The following LMX1A variants were observed in gnomAD, a reference collection of about 807,000 sequenced individuals.
The protein encoded by LMX1A is LIM homeobox transcription factor 1-alpha.
LMX1A carries 15 observed loss-of-function variants against 49.1 expected under a neutral mutation model. That is an observed-to-expected ratio of 0.31 (90% confidence interval 0.20 to 0.47). The LOEUF is 0.47. LMX1A is among the 20% of genes least tolerant of loss of function. The probability of loss-of-function intolerance (pLI) is 1.00; values close to 1 mark genes in which losing one functional copy is unlikely to be tolerated. For missense variants in LMX1A, 372 were observed against 475.8 expected, an observed-to-expected ratio of 0.78 and a Z score of 2.03; for synonymous variants, 167 against 185.7, an observed-to-expected ratio of 0.90 and a Z score of 0.82.
At chr1:165,212,703 T>A (rs1427921049) in intron 5 of LMX1A, 2 of 152,234 alleles carry the variant, frequency 1.3e-5, no homozygotes, top group African/African-American at 4.8e-5. Context: ...AAGTACTCAA[T>A]AAATGGGCGC....
rs142079218 is a variant in LMX1A at position 165,330,321 on chromosome 1, A to G, written c.263+22755T>C. 9.2e-5 allele frequency among the ~76,000 whole-genome samples: 14 copies of G among 152,314 alleles called. No homozygotes were observed. The East Asian group carries it at 2.5e-3, about 27-fold the overall frequency. On this transcript the variant is annotated intron_variant, in intron 3 of 8. Transcript: ENST00000342310. ...AGATCCTGTCCCTACAAAAAATTTC[A>G]AAGTTAGCTGGGCATGATGGCACAT...
chr1:165,227,929 G>C (rs1251963760), intron 4 of LMX1A, among the ~76,000 whole-genome samples: 1 of 152,150 alleles, frequency 6.6e-6, no homozygotes, highest in South Asian at 2.1e-4. Context: ...ATCATTTAAA[G>C]AGATTCCTTC....
At chr1:165,293,334 C>T (rs74118548) in intron 3 of LMX1A, among the ~76,000 whole-genome samples, 2,216 of 152,202 alleles carry the variant, frequency 0.015, 57 homozygotes, top group African/African-American at 0.049. Flanking sequence ...ATAGCACTTT[C>T]ACAAATAATA....
At chr1:165,339,450 T>C (rs555613307) in intron 3 of LMX1A, among the ~76,000 whole-genome samples, 25 of 152,308 alleles carry the variant, frequency 1.6e-4, no homozygotes, top group African/African-American at 5.8e-4. Context: ...TCTGACAACA[T>C]GCAATAGAGT....
At chr1:165,237,914 G>A (rs1652508502) in intron 4 of LMX1A, among the ~76,000 whole-genome samples, 1 of 152,222 alleles carries the variant, frequency 6.6e-6, no homozygotes, top group Non-Finnish European at 1.5e-5. Context: ...AAGAAAACCA[G>A]TGTCTTCCCT....
At chr1:165,310,978 T>G (rs1189827630) in intron 3 of LMX1A, among the ~76,000 whole-genome samples, 1 of 152,222 alleles carries the variant, frequency 6.6e-6, no homozygotes, top group Non-Finnish European at 1.5e-5. Context: ...CACCATGATG[T>G]CCCCCAGATC....
chr1:165,253,018 AG>A (rs1653112443), intron 3 of LMX1A, among the ~76,000 whole-genome samples: 2 of 152,212 alleles, frequency 1.3e-5, no homozygotes, highest in Admixed American at 1.3e-4. Flanking sequence ...GTGTCTTTAT[AG>A]GGAGGGCAGG....
chr1:165,350,936 G>C (rs1406319339), intron 3 of LMX1A, among the ~76,000 whole-genome samples: 2 of 152,204 alleles, frequency 1.3e-5, no homozygotes, highest in African/African-American at 4.8e-5. Flanking sequence ...CTGGCAAGTT[G>C]ATCCCTGCAA....
chr1:165,313,276 C>T (rs1655125216), intron 3 of LMX1A, among the ~76,000 whole-genome samples: 1 of 152,088 alleles, frequency 6.6e-6, no homozygotes, highest in African/African-American at 2.4e-5. Flanking sequence ...CAAGAAGCTG[C>T]CCTGCATCCC....
At chr1:165,325,034 C>T (rs191738750) in intron 3 of LMX1A, among the ~76,000 whole-genome samples, 1 of 152,186 alleles carries the variant, frequency 6.6e-6, no homozygotes, top group Non-Finnish European at 1.5e-5. Context: ...GGAGCCCCTG[C>T]CACTCCTTAG....
intron 3 of LMX1A, among the ~76,000 whole-genome samples, chr1:165,323,547 A>C (rs1397490711): frequency 6.6e-6 from 1 of 152,210 alleles, no homozygotes. Context: ...CTACCATAAC[A>C]ATATAAAATG....
At chr1:165,292,061 C>CAAAAAAAA (rs771664986) in intron 3 of LMX1A, among the ~76,000 whole-genome samples, 8 of 82,540 alleles carry the variant, frequency 9.7e-5, no homozygotes, top group South Asian at 6.3e-4. Context: ...AACTCCGTCT[C>CAAAAAAAA]AAAAAAAAAA....
At chr1:165,266,595 C>T (rs368081848) in intron 3 of LMX1A, among the ~76,000 whole-genome samples, 7 of 79,176 alleles carry the variant, frequency 8.8e-5, no homozygotes, top group South Asian at 5.4e-4. Flanking sequence ...TTCTTTCTTT[C>T]TTTTTTTTTT....
Position 165,262,622 on chromosome 1 carries a change from T to G in LMX1A, c.264-12982A>C, listed in dbSNP as rs562203190. ...ATTTCTTGAATGTCCTACACTCCTA[T>G]CAAGGGCTAACTCTTCCACTTAGGT... is the stretch of plus-strand genomic sequence containing the variant. On this transcript the variant is annotated intron_variant, in intron 3 of 8. Coordinates refer to ENST00000342310, the MANE Select transcript of LMX1A (RefSeq NM_177398.4). Among the ~76,000 whole-genome samples the G allele has an allele frequency of 3.3e-5, 5 of 152,336 alleles. No homozygotes were observed. The South Asian group carries it at 1.0e-3, about 32-fold the overall frequency.
rs774603130 is a variant in LMX1A, at chr1:165,204,008, C to G, written c.1021G>C (p.Asp341His). 44 of 1,613,972 alleles carry G rather than the reference C, an allele frequency of 2.7e-5. No individual in the cohort carries two copies. The highest frequency in any genetic ancestry group is 2.4e-4 in the South Asian group (22 of 91,062). ...CCCAGGTTACTGAGGGAGGTGTCGT[C>G]GCTATCCAGGTCATGGAAAAGGGGC... ...AEPLFHDLDS[D>H]DTSLSNLGDC... The change falls in exon 9 of 9, where the codon GAC (aspartate) becomes CAC (histidine). Residue 341 changes from aspartate (D) to histidine (H), a missense_variant. Asp to His is a moderately conservative substitution (Grantham distance 81). Transcript: ENST00000342310.
At position 165,327,495 on chromosome 1, in the gene LMX1A, G is replaced by A. The variant is rs1331666782; in HGVS notation, c.263+25581C>T. Among the ~76,000 whole-genome samples, 3 of 152,252 alleles carry A rather than the reference G, an allele frequency of 2.0e-5. No individual in the cohort carries two copies. In the East Asian group the frequency reaches 5.8e-4, roughly 29 times the overall value. The stretch of plus-strand genomic sequence containing the variant: ...ACCACCAGAAGGCAAGGGCAGGACT[G>A]CTGCCAAATCCTGGAGCTGAGTCTT... On this transcript the variant is annotated intron_variant, in intron 3 of 8. Coordinates refer to ENST00000342310, the MANE Select transcript of LMX1A (RefSeq NM_177398.4).
chr1:165,210,011 G>A (rs1160068218), intron 6 of LMX1A, among the ~76,000 whole-genome samples: 1 of 152,232 alleles, frequency 6.6e-6, no homozygotes, highest in Non-Finnish European at 1.5e-5. Context: ...CTTGGTGTAT[G>A]GAGAATATCT....
rs532282968 is a variant in LMX1A, at chr1:165,269,996, G to A, written c.264-20356C>T. 9.2e-5 allele frequency among the ~76,000 whole-genome samples: 14 copies of A among 151,948 alleles called. No individual in the cohort carries two copies. The South Asian group carries it at 2.5e-3, about 27-fold the overall frequency. ...GGTGCAGCAAACCACCATGGCACAC[G>A]TTTACTTATGTAACAAACCTGCAAA... is the stretch of plus-strand genomic sequence containing the variant. On this transcript the variant is annotated intron_variant, in intron 3 of 8. Transcript: ENST00000342310.
intron 4 of LMX1A, among the ~76,000 whole-genome samples, chr1:165,220,974 A>C (rs1202311126): frequency 6.6e-6 from 1 of 152,184 alleles, no homozygotes; most frequent in Non-Finnish European, 1.5e-5. Context: ...TTGACATGGC[A>C]TCACTTTATA....
Sources: allele counts gnomAD v4.1 joint callset (sites outside exome capture counted in the v4.1 genomes callset), GRCh38; gene constraint gnomAD v4.1.1; transcripts MANE v1.5; gene names NCBI Gene and HGNC (gene_info 2026-07-23, HGNC 2026-07-21).